SYK: variants seen among roughly 807,000 people sequenced by gnomAD.
SYK encodes the protein spleen associated tyrosine kinase, also known as tyrosine-protein kinase SYK.
A neutral mutation model predicts 77.8 loss-of-function variants in SYK; 16 were observed. That is an observed-to-expected ratio of 0.21 (90% confidence interval 0.14 to 0.31). SYK has a LOEUF of 0.31. Among genes scored for constraint, SYK ranks in the 10% least tolerant of loss-of-function variants. The probability of loss-of-function intolerance (pLI) is 1.00; values close to 1 mark genes in which losing one functional copy is unlikely to be tolerated. For missense variants in SYK, 529 were observed against 814.4 expected, an observed-to-expected ratio of 0.65 and a Z score of 4.26; for synonymous variants, 312 against 308.7, an observed-to-expected ratio of 1.01 and a Z score of -0.11.
At chr9:90,890,370 A>C (rs1828742373) in intron 13 of SYK, among the ~76,000 whole-genome samples, 1 of 152,236 alleles carries the variant, frequency 6.6e-6, no homozygotes, top group South Asian at 2.1e-4. Context: ...CACCAGGGGC[A>C]GACCGGGGAG....
intron 7 of SYK, among the ~76,000 whole-genome samples, chr9:90,867,905 G>T (rs1215645502): frequency 6.6e-6 from 1 of 151,998 alleles, no homozygotes; most frequent in Non-Finnish European, 1.5e-5. Context: ...TAATGTGTTT[G>T]AATTGCTTTT....
At chr9:90,827,091 T>TA (rs35660694) in intron 1 of SYK, among the ~76,000 whole-genome samples, 27 of 152,132 alleles carry the variant, frequency 1.8e-4, no homozygotes, top group African/African-American at 5.5e-4. Context: ...TAGGACTTTT[T>TA]AAAAAAACAT....
chr9:90,822,502 T>C (rs998407016), intron 1 of SYK, among the ~76,000 whole-genome samples: 1 of 152,260 alleles, frequency 6.6e-6, no homozygotes, highest in African/African-American at 2.4e-5. Flanking sequence ...ACTTTTCTTA[T>C]GAAAGAATAA....
At position 90,886,448 on chromosome 9, in the gene SYK, TA is replaced by T. The variant is rs372762494; in HGVS notation, c.1582-1299del. On this transcript the variant is annotated intron_variant, in intron 11 of 13. Coordinates refer to ENST00000375754, the MANE Select transcript of SYK (RefSeq NM_003177.7). ...GGCTGGGCACGGTGGCTCACACCTGTAATCCCAGCAGTTTTGGAAGCCCGAG... is the reference window on the plus strand; with the variant it reads ...GGCTGGGCACGGTGGCTCACACCTGTATCCCAGCAGTTTTGGAAGCCCGAG... Among the ~76,000 whole-genome samples, 599 of 152,332 alleles carry T rather than the reference TA, an allele frequency of 3.9e-3. 1 individual carries two copies. The highest frequency in any genetic ancestry group is 8.3e-3 in the South Asian group (40 of 4,818).
chr9:90,805,287 C>T (rs1824778066), intron 1 of SYK, among the ~76,000 whole-genome samples: 1 of 152,174 alleles, frequency 6.6e-6, no homozygotes. Context: ...AGCTCTGAAA[C>T]TGGGATCCTG....
intron 10 of SYK, among the ~76,000 whole-genome samples, chr9:90,878,076 T>G (rs991378755): frequency 2.6e-5 from 4 of 152,236 alleles, no homozygotes; most frequent in Non-Finnish European, 4.4e-5. Flanking sequence ...TATCTTGACA[T>G]GGAATCTCCT....
In SYK at chr9:90,857,449, G is replaced by A. The variant is rs77221319; in HGVS notation, c.579-4757G>A. 3.5e-3 allele frequency among the ~76,000 whole-genome samples: 526 copies of A among 152,304 alleles called. 3 individuals are homozygous for A. Among genetic ancestry groups the A allele is most frequent in the African/African-American group, 0.012 (505 of 41,556 alleles). On this transcript the variant is annotated intron_variant, in intron 3 of 13. Coordinates refer to ENST00000375754, the MANE Select transcript of SYK (RefSeq NM_003177.7). ...TCCACCTTCATGAACTAAAGCAGAGGGAGAGAATGAGAGGGCGTTTGTAAT... is the reference window on the plus strand; with the variant it reads ...TCCACCTTCATGAACTAAAGCAGAGAGAGAGAATGAGAGGGCGTTTGTAAT...
chr9:90,822,577 G>GC (rs1564073477), intron 1 of SYK, among the ~76,000 whole-genome samples: 1 of 152,148 alleles, frequency 6.6e-6, no homozygotes, highest in Non-Finnish European at 1.5e-5. Flanking sequence ...CGATTGTATG[G>GC]CAGATTTACT....
At chr9:90,830,185 A>C (rs1457490381) in intron 1 of SYK, among the ~76,000 whole-genome samples, 3 of 152,270 alleles carry the variant, frequency 2.0e-5, no homozygotes, top group Non-Finnish European at 4.4e-5. Context: ...CAGAATGTGC[A>C]CAATGTAAGG....
rs531288468 is a variant in SYK at position 90,841,393 on chromosome 9, G to T, written c.-41-2465G>T. 2.2e-3 allele frequency among the ~76,000 whole-genome samples: 148 copies of T among 66,708 alleles called. 1 individual carries two copies. Among genetic ancestry groups the T allele is most frequent in the African/African-American group, 7.5e-3 (145 of 19,312 alleles). 43.8% of individuals were successfully genotyped at this position (66,708 alleles called of 152,430 possible). A position where few individuals can be genotyped will look rare whatever the true frequency, so the allele number is the denominator to read the frequency against. On this transcript the variant is annotated intron_variant, in intron 1 of 13. Transcript: ENST00000375754. Reference sequence around the variant, plus strand: ...TATGTGTGCAGTGTGTGTGTAGTTTGTGTATGACGTGTGCAGTGTGTGTAA... The same window carrying T: ...TATGTGTGCAGTGTGTGTGTAGTTTTTGTATGACGTGTGCAGTGTGTGTAA...
intron 10 of SYK, 87 bp from the exon 11 acceptor site, chr9:90,878,677 C>T: frequency 8.9e-7 from 1 of 1,121,670 alleles, no homozygotes; most frequent in African/African-American, 1.5e-5. Flanking sequence ...GGAGTAGATT[C>T]ACCCACTGCC....
intron 3 of SYK, among the ~76,000 whole-genome samples, chr9:90,852,640 G>A (rs1306985892): frequency 6.6e-6 from 1 of 152,156 alleles, no homozygotes; most frequent in Non-Finnish European, 1.5e-5. Flanking sequence ...TCTCCAAATA[G>A]CTCGATTAAT....
At position 90,844,177 on chromosome 9, in the gene SYK, C is replaced by G. The variant is rs1329451003; in HGVS notation, c.279C>G (p.Ser93=). ...ASPADLCHYH[S]QESDGLVCLL... Reference sequence around the variant, plus strand: ...CCGCCGACCTCTGCCACTACCACTCCCAGGAGTCTGATGGCCTGGTCTGCC... The same window carrying G: ...CCGCCGACCTCTGCCACTACCACTCGCAGGAGTCTGATGGCCTGGTCTGCC... The change falls in exon 2 of 14, where the codon TCC becomes TCG. Residue 93 remains serine, a synonymous_variant. Coordinates refer to ENST00000375754, the MANE Select transcript of SYK (RefSeq NM_003177.7). 1 of 1,614,236 alleles carries G rather than the reference C, an allele frequency of 6.2e-7. No homozygotes were observed. Among genetic ancestry groups the G allele is most frequent in the Non-Finnish European group, 8.5e-7 (1 of 1,180,030 alleles).
chr9:90,857,454 G>A (rs10124093), intron 3 of SYK, among the ~76,000 whole-genome samples: 17,958 of 152,232 alleles, frequency 0.12, 1,449 homozygotes, highest in Admixed American at 0.25. Flanking sequence ...CAGAGGGAGA[G>A]AATGAGAGGG....
chr9:90,888,415 A>G, intron 12 of SYK, 100 bp from the exon 13 acceptor site: 2 of 828,444 alleles, frequency 2.4e-6, no homozygotes, highest in South Asian at 1.9e-5. Flanking sequence ...AATTGAAATC[A>G]TACAATGTGT....
intron 1 of SYK, among the ~76,000 whole-genome samples, chr9:90,804,512 T>C (rs1587793815): frequency 6.6e-6 from 1 of 152,226 alleles, no homozygotes; most frequent in Non-Finnish European, 1.5e-5. Flanking sequence ...AGCTACCCCC[T>C]GACTTTTCTA....
At chr9:90,825,133 C>G (rs917514976) in intron 1 of SYK, among the ~76,000 whole-genome samples, 37 of 133,244 alleles carry the variant, frequency 2.8e-4, no homozygotes, top group African/African-American at 9.9e-4. Flanking sequence ...AAAAAAAAAA[C>G]ACAAGAAAAT....
intron 1 of SYK, among the ~76,000 whole-genome samples, chr9:90,825,226 G>A (rs1825633429): frequency 6.6e-6 from 1 of 152,110 alleles, no homozygotes; most frequent in Non-Finnish European, 1.5e-5. Flanking sequence ...CAAAGAAGAT[G>A]TAAGTAAATG....
intron 6 of SYK, among the ~76,000 whole-genome samples, chr9:90,866,354 G>T (rs1827496985): frequency 6.6e-6 from 1 of 152,246 alleles, no homozygotes; most frequent in South Asian, 2.1e-4. Flanking sequence ...GCTGAGCCCA[G>T]GTTGAAACAG....
Sources: allele counts gnomAD v4.1 joint callset (sites outside exome capture counted in the v4.1 genomes callset), GRCh38; gene constraint gnomAD v4.1.1; transcripts MANE v1.5; gene names NCBI Gene and HGNC (gene_info 2026-07-23, HGNC 2026-07-21).